Variants in CBL observed in about 807,000 individuals in gnomAD.
CBL encodes the protein E3 ubiquitin-protein ligase CBL.
A neutral mutation model predicts 96.9 loss-of-function variants in CBL; 45 were observed. The observed-to-expected ratio is 0.46, with a 90% CI of 0.37 to 0.60. CBL has a LOEUF of 0.60. Among genes scored for constraint, CBL ranks in the 20% least tolerant of loss-of-function variants. The pLI, the probability that CBL is intolerant of heterozygous loss-of-function variation, is 0.00. For synonymous variants in CBL, 420 were observed against 426.8 expected (o/e 0.98, Z 0.20); for missense variants, 1,024 against 1,143.5 (o/e 0.90, Z 1.51).
chr11:119,296,270 A>G (rs1048084470), intron 12 of CBL, among the ~76,000 whole-genome samples: 2 of 152,112 alleles, frequency 1.3e-5, no homozygotes, highest in Non-Finnish European at 2.9e-5. Flanking sequence ...TTTCCCCCCT[A>G]CAATTTAGTG....
chr11:119,278,788 T>G (rs1949910453), intron 9 of CBL, 75 bp downstream of exon 9: 1 of 1,075,382 alleles, frequency 9.3e-7, no homozygotes, highest in African/African-American at 1.5e-5. Context: ...CTTAACGATA[T>G]CCAAACTACA....
chr11:119,231,311 A>G (rs553828265), intron 1 of CBL, among the ~76,000 whole-genome samples: 75 of 152,092 alleles, frequency 4.9e-4, no homozygotes, highest in Non-Finnish European at 9.0e-4. Flanking sequence ...GCTGAATGAG[A>G]TAGGAGAATT....
At position 119,304,389 on chromosome 11, in the gene CBL, G is replaced by C. The variant is rs905851004; in HGVS notation, c.*4608G>C. ...TCCAAGAAACAGAAATGTTCAAGCG[G>C]AATAAAGGAGGGAGTGGAGTTGTGG... is the stretch of plus-strand genomic sequence containing the variant. On this transcript the variant is annotated 3_prime_UTR_variant, in exon 16 of 16. Transcript: ENST00000264033. 4.3e-6 allele frequency: 1 copy of C among 233,208 alleles called. No individual in the cohort carries two copies. The highest frequency in any genetic ancestry group is 8.5e-6 in the Non-Finnish European group (1 of 118,054). The allele number at this position is 233,208 out of a possible 1,614,324, so 14.4% of individuals were successfully genotyped here.
chr11:119,212,581 G>A (rs1026445649), intron 1 of CBL, among the ~76,000 whole-genome samples: 1 of 152,008 alleles, frequency 6.6e-6, no homozygotes, highest in Non-Finnish European at 1.5e-5. Flanking sequence ...AGCCGAGATC[G>A]CACCATTGCA....
At chr11:119,275,258 GT>G (rs1311897703) in intron 5 of CBL, among the ~76,000 whole-genome samples, 2 of 152,038 alleles carry the variant, frequency 1.3e-5, no homozygotes, top group Non-Finnish European at 2.9e-5. Flanking sequence ...GGCCAAAGTG[GT>G]AAAACCCTGT....
chr11:119,215,427 A>G (rs1273279404), intron 1 of CBL, among the ~76,000 whole-genome samples: 2 of 126,216 alleles, frequency 1.6e-5, no homozygotes, highest in East Asian at 4.9e-4. Context: ...AAAACAGCCT[A>G]AATTTTTTTT....
At chr11:119,271,587 TA>T (rs1412349010) in intron 2 of CBL, 147 bp from the exon 3 acceptor site, 20 of 725,082 alleles carry the variant, frequency 2.8e-5, no homozygotes, top group Non-Finnish European at 4.4e-5. Context: ...TATCCTTGAA[TA>T]ATACTGGCCA....
chr11:119,212,532 A>G (rs1949326473), intron 1 of CBL, among the ~76,000 whole-genome samples: 2 of 151,876 alleles, frequency 1.3e-5, no homozygotes, highest in African/African-American at 4.8e-5. Context: ...AGGCTGAGGC[A>G]GGAGAATCCC....
At chr11:119,234,053 C>G (rs1565860128) in intron 2 of CBL, among the ~76,000 whole-genome samples, 1 of 152,168 alleles carries the variant, frequency 6.6e-6, no homozygotes, top group Non-Finnish European at 1.5e-5. Context: ...GTCACCCAGG[C>G]TGGAGTGCAG....
chr11:119,277,243 A>G (rs377618395), intron 6 of CBL, among the ~76,000 whole-genome samples: 1,832 of 141,224 alleles, frequency 0.013, 35 homozygotes, highest in African/African-American at 0.049. Context: ...TCTGTCGCGC[A>G]CACACACACA....
At chr11:119,215,669 CAA>C (rs34704423) in intron 1 of CBL, among the ~76,000 whole-genome samples, 2 of 123,200 alleles carry the variant, frequency 1.6e-5, no homozygotes. Context: ...GAAACTGTCT[CAA>C]AAAAAAAAAG....
chr11:119,260,970 A>G (rs1009495586), intron 2 of CBL, among the ~76,000 whole-genome samples: 12 of 109,710 alleles, frequency 1.1e-4, no homozygotes, highest in African/African-American at 6.0e-4. Context: ...AATGGAGGCA[A>G]AGTCTCCAGG....
intron 2 of CBL, among the ~76,000 whole-genome samples, chr11:119,261,736 C>T (rs942367448): frequency 1.3e-5 from 2 of 152,126 alleles, no homozygotes; most frequent in African/African-American, 2.4e-5. Flanking sequence ...TTTCAGAGCT[C>T]GGGTTAAGTG....
chr11:119,246,552 A>G (rs1381128291), intron 2 of CBL, among the ~76,000 whole-genome samples: 4 of 152,070 alleles, frequency 2.6e-5, no homozygotes, highest in African/African-American at 9.7e-5. Flanking sequence ...CCTGGGTTCA[A>G]GCAATTCTCC....
intron 2 of CBL, among the ~76,000 whole-genome samples, chr11:119,236,885 A>T (rs555960811): frequency 6.6e-6 from 1 of 151,878 alleles, no homozygotes; most frequent in Admixed American, 6.6e-5. Context: ...GTCCCCCTTT[A>T]TCCTCAGTTT....
Position 119,307,644 on chromosome 11 carries a change from C to A in CBL, c.*7863C>A. The A allele has an allele frequency of 4.4e-6, 1 of 229,502 alleles. No individual in the cohort carries two copies. The allele number at this position is 229,502 out of a possible 1,614,324, so 14.2% of individuals were successfully genotyped here. A position where few individuals can be genotyped will look rare whatever the true frequency, so the allele number is the denominator to read the frequency against. On this transcript the variant is annotated 3_prime_UTR_variant, in exon 16 of 16. Transcript: ENST00000264033. Reference sequence around the variant, plus strand: ...AATGACATCTTACTTATCTTTTACCCTTTCCTCAGTTTTCCCCTGCCTTTA... The same window carrying A: ...AATGACATCTTACTTATCTTTTACCATTTCCTCAGTTTTCCCCTGCCTTTA...
At chr11:119,263,192 T>C (rs1949767599) in intron 2 of CBL, among the ~76,000 whole-genome samples, 1 of 152,128 alleles carries the variant, frequency 6.6e-6, no homozygotes, top group Non-Finnish European at 1.5e-5. Flanking sequence ...AAAGCGTAGA[T>C]AGAGTGTTTG....
At chr11:119,249,533 CAG>C (rs1302382005) in intron 2 of CBL, among the ~76,000 whole-genome samples, 1 of 121,024 alleles carries the variant, frequency 8.3e-6, no homozygotes, top group African/African-American at 3.5e-5. Context: ...GCGTGGGTGA[CAG>C]AGTGAGACTC....
chr11:119,206,746 A>T, intron 1 of CBL, 134 bp downstream of exon 1: 1 of 304,860 alleles, frequency 3.3e-6, no homozygotes, highest in Non-Finnish European at 4.6e-6. Context: ...AGCCGGGGTG[A>T]CCGGCCGGGG....
Sources: gnomAD v4.1 joint callset for allele counts (sites outside exome capture counted in the v4.1 genomes callset) on GRCh38, gnomAD v4.1.1 for gene constraint, MANE v1.5 for transcripts, NCBI Gene and HGNC (gene_info 2026-07-23, HGNC 2026-07-21) for gene names.